NOP14: variants seen among roughly 807,000 people sequenced by gnomAD.
NOP14 encodes the protein NOP14 nucleolar protein, also known as nucleolar protein 14.
A neutral mutation model predicts 101.6 loss-of-function variants in NOP14; 57 were observed. That is an observed-to-expected ratio of 0.56 (90% CI 0.45 to 0.70). NOP14 has a LOEUF of 0.70. Ranked by LOEUF, NOP14 falls within the 30% of genes least tolerant of loss-of-function variation. NOP14 has a pLI of 0.00. For synonymous variants in NOP14, 428 were observed against 424.0 expected, an observed-to-expected ratio of 1.01 and a Z score of -0.12; for missense variants, 1,134 against 1,075.5, an observed-to-expected ratio of 1.05 and a Z score of -0.76.
chr4:2,955,112 C>G (rs1354768686), intron 3 of NOP14, among the ~76,000 whole-genome samples: 1 of 145,968 alleles, frequency 6.9e-6, no homozygotes, highest in Non-Finnish European at 1.5e-5. Flanking sequence ...CCTCTAGTCA[C>G]CTGCGCCACA....
At chr4:2,941,263 G>A in intron 15 of NOP14, 1 of 346,850 alleles carries the variant, frequency 2.9e-6, no homozygotes, top group East Asian at 6.4e-5. Context: ...GCAGAGCGCG[G>A]CTCAGAGCTG....
chr4:2,963,362 A>G lies in NOP14; in HGVS notation c.-43T>C. On this transcript the variant is annotated 5_prime_UTR_variant, in exon 1 of 18. Transcript: ENST00000416614. Reference sequence around the variant, plus strand: ...GCCCAAGGGCCCGAGACCCGAAGAGAGACAGGCGCGCGCTACCCTAAGACA... The same window carrying G: ...GCCCAAGGGCCCGAGACCCGAAGAGGGACAGGCGCGCGCTACCCTAAGACA... 1 of 1,504,626 alleles carries G rather than the reference A, an allele frequency of 6.6e-7. No homozygotes were observed. Among genetic ancestry groups the G allele is most frequent in the Non-Finnish European group, 8.8e-7 (1 of 1,135,418 alleles). The allele number at this position is 1,504,626 out of a possible 1,614,324, so 93.2% of individuals were successfully genotyped here. A position where few individuals can be genotyped will look rare whatever the true frequency, so the allele number is the denominator to read the frequency against.
At chr4:2,943,582 G>A (rs1200293474) in intron 13 of NOP14, among the ~76,000 whole-genome samples, 1 of 152,232 alleles carries the variant, frequency 6.6e-6, no homozygotes, top group Non-Finnish European at 1.5e-5. Context: ...TGCCGCCCTC[G>A]CTCCTGAATT....
chr4:2,940,273 G>A (rs1270037409), intron 15 of NOP14: 2 of 153,450 alleles, frequency 1.3e-5, no homozygotes, highest in East Asian at 1.9e-4. Context: ...GTTCACTGAG[G>A]TTGGTCCTAC....
Position 2,963,374 on chromosome 4 carries a change from G to T in NOP14, c.-55C>A. Reference sequence around the variant, plus strand: ...GAGACCCGAAGAGAGACAGGCGCGCGCTACCCTAAGACACGTGCCGGGCCG... The same window carrying T: ...GAGACCCGAAGAGAGACAGGCGCGCTCTACCCTAAGACACGTGCCGGGCCG... On this transcript the variant is annotated 5_prime_UTR_variant, in exon 1 of 18. Coordinates refer to ENST00000416614, the MANE Select transcript of NOP14 (RefSeq NM_001291978.2). The T allele has an allele frequency of 1.3e-6, 2 of 1,484,242 alleles. No homozygotes were observed. Among genetic ancestry groups the T allele is most frequent in the Non-Finnish European group, 1.8e-6 (2 of 1,123,646 alleles). The allele number at this position is 1,484,242 out of a possible 1,614,324, so 91.9% of individuals were successfully genotyped here.
chr4:2,939,405 T>C (rs1182415214), intron 16 of NOP14, 62 bp from the exon 17 acceptor site: 189 of 1,608,978 alleles, frequency 1.2e-4, no homozygotes, highest in Non-Finnish European at 1.5e-4. Flanking sequence ...AGCCAGAGCC[T>C]GCTTGGGAGT....
intron 5 of NOP14, among the ~76,000 whole-genome samples, chr4:2,953,166 G>A (rs879933033): frequency 6.6e-6 from 1 of 152,198 alleles, no homozygotes; most frequent in Non-Finnish European, 1.5e-5. Flanking sequence ...TGTTTACAGA[G>A]GCAAAAATAA....
chr4:2,958,688 C>G (rs1483588070), intron 1 of NOP14, among the ~76,000 whole-genome samples: 2 of 152,182 alleles, frequency 1.3e-5, no homozygotes, highest in Non-Finnish European at 2.9e-5. Context: ...TTTGTGAAGT[C>G]ACTTTGAAAG....
At chr4:2,959,336 TA>T (rs1295493969) in intron 1 of NOP14, among the ~76,000 whole-genome samples, 1 of 152,220 alleles carries the variant, frequency 6.6e-6, no homozygotes. Context: ...CTCACGCCTG[TA>T]ATTCCAGCAC....
chr4:2,953,736 G>A, intron 4 of NOP14, 91 bp from the exon 5 acceptor site: 2 of 1,467,344 alleles, frequency 1.4e-6, no homozygotes, highest in Non-Finnish European at 9.3e-7. Context: ...CACACACAGT[G>A]ATCACTCAGT....
At chr4:2,951,539 G>A (rs1235129074) in intron 6 of NOP14, among the ~76,000 whole-genome samples, 2 of 152,154 alleles carry the variant, frequency 1.3e-5, no homozygotes, top group Non-Finnish European at 2.9e-5. Flanking sequence ...GGCCAGCCCC[G>A]ACTGGGACTC....
chr4:2,941,893 G>T, intron 14 of NOP14, 164 bp from the exon 15 acceptor site: 1 of 806,818 alleles, frequency 1.2e-6, no homozygotes, highest in Non-Finnish European at 1.9e-6. Context: ...GGCAAGGCAG[G>T]CTCAGGGTCA....
At chr4:2,943,150 TGACA>T (rs1402438878) in intron 13 of NOP14, among the ~76,000 whole-genome samples, 3 of 152,188 alleles carry the variant, frequency 2.0e-5, no homozygotes, top group East Asian at 3.9e-4. Flanking sequence ...GCACCGAGCC[TGACA>T]GACAGGAGCC....
At chr4:2,954,190 C>A (rs79410550) in intron 4 of NOP14, among the ~76,000 whole-genome samples, 2,371 of 152,202 alleles carry the variant, frequency 0.016, 54 homozygotes, top group African/African-American at 0.055. Flanking sequence ...GAAACAGAGA[C>A]TACGTCTCAA....
At position 2,950,040 on chromosome 4, in the gene NOP14, G is replaced by C. The variant is rs558137705; in HGVS notation, c.1176C>G (p.Asn392Lys). ...GCCTCTGCTCTTTTGCTGGCTTCTCGTTTTCTTCCTCACTCTCCACGTTGG... is the reference window on the plus strand; with the variant it reads ...GCCTCTGCTCTTTTGCTGGCTTCTCCTTTTCTTCCTCACTCTCCACGTTGG... ...LESNVESEEE[N>K]EKPAKEQRQT... is the part of the protein sequence containing the mutation. The change falls in exon 8 of 18, where the codon AAC becomes AAG. Residue 392 changes from asparagine (N) to lysine (K), a missense_variant. Coordinates refer to ENST00000416614, the MANE Select transcript of NOP14 (RefSeq NM_001291978.2). The C allele has an allele frequency of 6.2e-7, 1 of 1,614,124 alleles. No homozygotes were observed. The highest frequency in any genetic ancestry group is 8.5e-7 in the Non-Finnish European group (1 of 1,180,032).
chr4:2,945,545 A>G (rs557337200), intron 11 of NOP14, among the ~76,000 whole-genome samples: 24 of 152,352 alleles, frequency 1.6e-4, no homozygotes, highest in African/African-American at 5.3e-4. Context: ...AGCTTCTGCT[A>G]ACTATTGTGA....
chr4:2,947,363 C>T, intron 10 of NOP14, 163 bp downstream of exon 10: 2 of 615,934 alleles, frequency 3.2e-6, no homozygotes, highest in Non-Finnish European at 5.8e-6. Flanking sequence ...CCGGCTTGCG[C>T]TGTGAGGCTC....
intron 5 of NOP14, 56 bp downstream of exon 5, chr4:2,953,455 A>G: frequency 8.1e-6 from 13 of 1,595,172 alleles, no homozygotes; most frequent in Admixed American, 1.7e-5. Context: ...TCTCTGGAGA[A>G]AGTCGGTCAC....
In NOP14 at chr4:2,944,145, T is replaced by G; in HGVS notation, c.1819A>C (p.Arg607=). ...AAATTAATAAGCTCAGGTATAAACC[T>G]CTGGGACAAAGCCACATACTCCAGG... ...LFLEYVALSQ[R]FIPELINFLL... The change falls in exon 13 of 18, where the codon AGG becomes CGG. Residue 607 remains arginine (R), a synonymous_variant. Coordinates refer to ENST00000416614, the MANE Select transcript of NOP14 (RefSeq NM_001291978.2). 1 of 1,614,062 alleles carries G rather than the reference T, an allele frequency of 6.2e-7. No homozygotes were observed.
Sources: gnomAD v4.1 joint callset for allele counts (sites outside exome capture counted in the v4.1 genomes callset) on GRCh38, gnomAD v4.1.1 for gene constraint, MANE v1.5 for transcripts, NCBI Gene and HGNC (gene_info 2026-07-23, HGNC 2026-07-21) for gene names.